ENPP3: variants seen among roughly 807,000 people sequenced by gnomAD.
ENPP3 encodes the protein ectonucleotide pyrophosphatase/phosphodiesterase family member 3.
Under a neutral mutation model 117.8 loss-of-function variants are expected in ENPP3, and 104 were observed. That is an observed-to-expected ratio of 0.88 (90% CI 0.75 to 1.04). The LOEUF is 1.04. Ranked by LOEUF, ENPP3 falls within the 50% of genes least tolerant of loss-of-function variation. The pLI, the probability that ENPP3 is intolerant of heterozygous loss-of-function variation, is 0.00. For missense variants in ENPP3, 1,026 were observed against 1,051.9 expected (o/e 0.98, Z 0.34); for synonymous variants, 380 against 349.9 (o/e 1.09, Z -0.96).
At chr6:131,733,340 A>G (rs1364931159) in intron 20 of ENPP3, among the ~76,000 whole-genome samples, 1 of 152,188 alleles carries the variant, frequency 6.6e-6, no homozygotes, top group East Asian at 1.9e-4. Flanking sequence ...CTCTCAATTC[A>G]GGTTTCACTG....
chr6:131,639,137 T>A (rs1469483488), intron 1 of ENPP3, among the ~76,000 whole-genome samples: 1 of 151,948 alleles, frequency 6.6e-6, no homozygotes, highest in Non-Finnish European at 1.5e-5. Context: ...TGTAAAACAA[T>A]GTGTGTAAGT....
chr6:131,677,953 T>C lies in ENPP3; in HGVS notation c.1011+13T>C. 2 of 1,569,384 alleles carry C rather than the reference T, an allele frequency of 1.3e-6. No individual in the cohort carries two copies. The highest frequency in any genetic ancestry group is 2.2e-5 in the East Asian group (1 of 44,618). Reference sequence around the variant, plus strand: ...AGTCAGTGCCAGAGTAAGTTGTTGTTTTCTTAAAAGAAAAAAAAAAATGTA... The same window carrying C: ...AGTCAGTGCCAGAGTAAGTTGTTGTCTTCTTAAAAGAAAAAAAAAAATGTA... On this transcript the variant is annotated intron_variant, in intron 11 of 24. Coordinates refer to ENST00000357639, the MANE Select transcript of ENPP3 (RefSeq NM_005021.5).
At chr6:131,648,210 T>G (rs1028644195) in intron 2 of ENPP3, among the ~76,000 whole-genome samples, 7 of 151,630 alleles carry the variant, frequency 4.6e-5, no homozygotes, top group Non-Finnish European at 8.8e-5. Context: ...GGTCAAACTA[T>G]AGTAGGATGA....
chr6:131,678,012 G>GAAT, intron 11 of ENPP3, 72 bp downstream of exon 11: 1 of 881,820 alleles, frequency 1.1e-6, no homozygotes, highest in Non-Finnish European at 1.8e-6. Flanking sequence ...AAACAAGATA[G>GAAT]TATTCTTTAA....
chr6:131,650,617 C>G (rs1309853938), intron 3 of ENPP3, among the ~76,000 whole-genome samples: 4 of 152,190 alleles, frequency 2.6e-5, no homozygotes, highest in Non-Finnish European at 5.9e-5. Flanking sequence ...CAACAGAAGT[C>G]TGTTTTCTTA....
intron 2 of ENPP3, among the ~76,000 whole-genome samples, chr6:131,649,499 AGTTTTT>A (rs1187028208): frequency 6.6e-6 from 1 of 152,024 alleles, no homozygotes; most frequent in East Asian, 1.9e-4. Flanking sequence ...TCCCCTTGCT[AGTTTTT>A]GTCCCACCCC....
intron 12 of ENPP3, among the ~76,000 whole-genome samples, chr6:131,684,229 A>C (rs920251826): frequency 6.6e-6 from 1 of 152,228 alleles, no homozygotes; most frequent in Non-Finnish European, 1.5e-5. Context: ...GTGTCTGCAG[A>C]ACTTTTGGTC....
chr6:131,641,483 C>T lies in ENPP3; in HGVS notation c.107C>T (p.Ser36Leu). Residue 36 changes from serine (S) to leucine (L), a missense_variant, in exon 2 of 25, where the codon TCA (serine) becomes TTA (leucine). Coordinates refer to ENST00000357639, the MANE Select transcript of ENPP3 (RefSeq NM_005021.5). Reference protein sequence around the residue: ...IVLLALLVIMSLGLGLGLGLR... With the variant: ...IVLLALLVIMLLGLGLGLGLR... Reference sequence around the variant, plus strand: ...CTTCTTGCTTTGCTGGTGATCATGTCACTTGGATTAGGCCTGGGGCTTGGA... The same window carrying T: ...CTTCTTGCTTTGCTGGTGATCATGTTACTTGGATTAGGCCTGGGGCTTGGA... The T allele has an allele frequency of 6.2e-7, 1 of 1,612,244 alleles. No individual in the cohort carries two copies. The highest frequency in any genetic ancestry group is 1.7e-4 in the Middle Eastern group (1 of 6,054).
Position 131,738,133 on chromosome 6 carries a change from G to A in ENPP3, c.2270G>A (p.Gly757Asp), listed in dbSNP as rs1780441394. Reference protein sequence around the residue: ...SGPIFDYNYDGHFDAPDEITK... With the variant: ...SGPIFDYNYDDHFDAPDEITK... The stretch of plus-strand genomic sequence containing the variant: ...CCAATATTTGATTATAATTATGATG[G>A]CCATTTTGATGCTCCAGATGAAATT... The change falls in exon 23 of 25, where the codon GGC becomes GAC. Residue 757 changes from glycine to aspartate, a missense_variant. By Grantham distance (94) the Gly-to-Asp change is moderately conservative. Transcript: ENST00000357639. 6.2e-7 allele frequency: 1 copy of A among 1,610,616 alleles called. No individual in the cohort carries two copies. Among genetic ancestry groups the A allele is most frequent in the South Asian group, 1.1e-5 (1 of 90,664 alleles).
chr6:131,670,371 C>A (rs952108209), intron 6 of ENPP3, among the ~76,000 whole-genome samples: 4 of 152,004 alleles, frequency 2.6e-5, no homozygotes, highest in Non-Finnish European at 1.5e-5. Flanking sequence ...ATATAGAGTA[C>A]ATTTAGCTCA....
intron 6 of ENPP3, among the ~76,000 whole-genome samples, chr6:131,664,492 GA>G (rs1195783669): frequency 1.3e-5 from 2 of 151,970 alleles, no homozygotes; most frequent in Admixed American, 6.6e-5. Context: ...ATTGATTATT[GA>G]AAAAAATACA....
At position 131,701,664 on chromosome 6, in the gene ENPP3, T is replaced by C. The variant is rs879875705; in HGVS notation, c.1412+8040T>C. Among the ~76,000 whole-genome samples the C allele has an allele frequency of 6.4e-3, 950 of 149,290 alleles. 3 individuals are homozygous for C. The highest frequency in any genetic ancestry group is 0.023 in the African/African-American group (903 of 40,040). ...GGGAGGCCGAGGCGGGCGGATTGCCTGAGCTCAGGAGTTCGAGACCAGCAT... is the reference window on the plus strand; with the variant it reads ...GGGAGGCCGAGGCGGGCGGATTGCCCGAGCTCAGGAGTTCGAGACCAGCAT... On this transcript the variant is annotated intron_variant, in intron 15 of 24. Coordinates refer to ENST00000357639, the MANE Select transcript of ENPP3 (RefSeq NM_005021.5).
chr6:131,676,642 T>C, intron 9 of ENPP3, 94 bp from the exon 10 acceptor site: 2 of 795,528 alleles, frequency 2.5e-6, no homozygotes, highest in Admixed American at 1.9e-5. Flanking sequence ...ACAAAATGGG[T>C]AGCTGAAGAT....
chr6:131,675,686 T>G (rs138854805), intron 9 of ENPP3, among the ~76,000 whole-genome samples: 2,228 of 151,910 alleles, frequency 0.015, 25 homozygotes, highest in Middle Eastern at 0.051. Flanking sequence ...ATACAAAAAT[T>G]AGCTGGGCAT....
In ENPP3 at chr6:131,718,554, T is replaced by G. The variant is rs963417655; in HGVS notation, c.1413-118T>G. 6.6e-6 allele frequency: 3 copies of G among 453,180 alleles called. No individual in the cohort carries two copies. The Admixed American group carries it at 1.1e-4, about 17-fold the overall frequency. The allele number at this position is 453,180 out of a possible 1,614,324, so 28.1% of individuals were successfully genotyped here. ...TTGATAGAAAAATATATTATTCTGT[T>G]GTTGATAAAAAAATTTACTTATAAA... On this transcript the variant is annotated intron_variant, in intron 15 of 24. Transcript: ENST00000357639.
intron 15 of ENPP3, among the ~76,000 whole-genome samples, chr6:131,715,985 C>T (rs576630856): frequency 5.3e-5 from 8 of 152,084 alleles, no homozygotes; most frequent in Admixed American, 2.6e-4. Context: ...AAATGCTTGG[C>T]GATCTGCTTA....
In ENPP3 at chr6:131,737,423, G is replaced by T; in HGVS notation, c.2158G>T (p.Glu720Ter). Residue 720 changes from glutamate (E) to a stop codon, truncating the protein, a stop_gained, in exon 22 of 25, where the codon GAA becomes TAA. Coordinates refer to ENST00000357639, the MANE Select transcript of ENPP3 (RefSeq NM_005021.5). LOFTEE classifies it high-confidence loss of function. Reference protein sequence around the residue: ...ITSNLVPMYEEFRKMWDYFHS... With the variant: ...ITSNLVPMYE ...TAGCAATTTGGTACCTATGTATGAA[G>T]AATTCAGAAGTAAGTATGAATTTAG... The T allele has an allele frequency of 1.3e-6, 2 of 1,551,874 alleles. No individual in the cohort carries two copies. Among genetic ancestry groups the T allele is most frequent in the Non-Finnish European group, 1.8e-6 (2 of 1,125,828 alleles).
chr6:131,641,539 C>G lies in ENPP3; in HGVS notation c.154+9C>G. On this transcript the variant is annotated intron_variant, in intron 2 of 24. Coordinates refer to ENST00000357639, the MANE Select transcript of ENPP3 (RefSeq NM_005021.5). The stretch of plus-strand genomic sequence containing the variant: ...GAAACTGGAAAAGCAAGGTATACCC[C>G]TCAGCCTTTTCTCAGAACATTCCCT... 1 of 1,561,070 alleles carries G rather than the reference C, an allele frequency of 6.4e-7. No homozygotes were observed. Among genetic ancestry groups the G allele is most frequent in the African/African-American group, 1.4e-5 (1 of 73,938 alleles).
chr6:131,683,118 G>A lies in ENPP3; in HGVS notation c.1076G>A (p.Arg359Gln), dbSNP rs747943081. Residue 359 changes from arginine to glutamine, a missense_variant, in exon 12 of 25, where the codon CGG (arginine) becomes CAG (glutamine). Physicochemically the swap from Arg to Gln is conservative, Grantham distance 43 (BLOSUM62 1). Transcript: ENST00000357639. ...FGMLMEGLKQ[R>Q]NLHNCVNIIL... ...ATGTTGATGGAAGGCCTGAAGCAGC[G>A]GAATTTGCACAACTGTGTCAATATC... The A allele has an allele frequency of 2.5e-6, 4 of 1,612,442 alleles. No individual in the cohort carries two copies. The highest frequency in any genetic ancestry group is 2.2e-5 in the East Asian group (1 of 44,862).
Sources: gnomAD v4.1 joint callset for allele counts (sites outside exome capture counted in the v4.1 genomes callset) on GRCh38, gnomAD v4.1.1 for gene constraint, MANE v1.5 for transcripts, NCBI Gene and HGNC (gene_info 2026-07-23, HGNC 2026-07-21) for gene names.